Variants in PTPRF observed in about 807,000 individuals in gnomAD.
PTPRF encodes the protein protein tyrosine phosphatase receptor type F.
In PTPRF, 59 loss-of-function variants were observed where a neutral mutation model predicts 201.8. The ratio of observed to expected loss-of-function variants is 0.29; its 90% CI spans 0.24 to 0.36. The LOEUF is 0.36. PTPRF is among the 10% of genes least tolerant of loss of function. The pLI, the probability that PTPRF is intolerant of heterozygous loss-of-function variation, is 1.00. For synonymous variants in PTPRF, 1,088 were observed against 1,089.7 expected, an observed-to-expected ratio of 1.00 and a Z score of 0.03; for missense variants, 2,132 against 2,690.5, an observed-to-expected ratio of 0.79 and a Z score of 4.59.
intron 3 of PTPRF, among the ~76,000 whole-genome samples, chr1:43,549,084 C>T (rs1037158172): frequency 6.6e-6 from 1 of 152,242 alleles, no homozygotes; most frequent in Admixed American, 6.5e-5. Context: ...GCTGAAAGGG[C>T]TGTGCGGCCC....
intron 22 of PTPRF, chr1:43,612,669 C>A: frequency 9.0e-7 from 1 of 1,112,824 alleles, no homozygotes; most frequent in Non-Finnish European, 1.2e-6. Context: ...CTCGGCACCT[C>A]CACTGTGTGT....
chr1:43,598,702 C>T lies in PTPRF; in HGVS notation c.2120-18C>T. On this transcript the variant is annotated intron_variant, in intron 12 of 33. Transcript: ENST00000359947. Reference sequence around the variant, plus strand: ...TGATACCTCCAGGCCTGACTTCCTTCTCTACCTGACCCCCCAGTGCCCAGC... The same window carrying T: ...TGATACCTCCAGGCCTGACTTCCTTTTCTACCTGACCCCCCAGTGCCCAGC... 8.1e-6 allele frequency: 13 copies of T among 1,607,050 alleles called. No homozygotes were observed. The highest frequency in any genetic ancestry group is 1.1e-5 in the Non-Finnish European group (13 of 1,175,016).
At chr1:43,564,023 C>T (rs1367810755) in intron 5 of PTPRF, among the ~76,000 whole-genome samples, 3 of 152,106 alleles carry the variant, frequency 2.0e-5, no homozygotes, top group Non-Finnish European at 2.9e-5. Context: ...TGCCAACAGG[C>T]CCCAAACAGC....
intron 23 of PTPRF, among the ~76,000 whole-genome samples, chr1:43,616,724 G>A (rs967186884): frequency 3.3e-5 from 5 of 152,090 alleles, no homozygotes; most frequent in South Asian, 2.1e-4. Context: ...AAAGGACTGC[G>A]GTTGAAGGAC....
At chr1:43,621,274 C>T (rs1425324254) in intron 33 of PTPRF, 42 bp downstream of exon 33, 14 of 1,604,610 alleles carry the variant, frequency 8.7e-6, no homozygotes, top group South Asian at 5.5e-5. Flanking sequence ...TTGGCAGCAG[C>T]GCTGCTGGGA....
At chr1:43,612,662 G>C (rs192084090) in intron 22 of PTPRF, 1 of 1,042,170 alleles carries the variant, frequency 9.6e-7, no homozygotes, top group Non-Finnish European at 1.3e-6. Context: ...AAGCCCGCTC[G>C]GCACCTCCAC....
At chr1:43,609,023 G>T (rs1247159983) in intron 21 of PTPRF, among the ~76,000 whole-genome samples, 1 of 152,152 alleles carries the variant, frequency 6.6e-6, no homozygotes, top group Non-Finnish European at 1.5e-5. Flanking sequence ...TCATTTGCAT[G>T]TTTGTTCCCG....
At position 43,604,153 on chromosome 1, in the gene PTPRF, C is replaced by T. The variant is rs760959754; in HGVS notation, c.3001C>T (p.Pro1001Ser). Reference protein sequence around the residue: ...WTSKGSGPLSPSIQSRTMPVE... With the variant: ...WTSKGSGPLSSSIQSRTMPVE... ...CAGCAAAGGCTCTGGCCCACTCAGC[C>T]CCAGCATCCAGTCCCGGACCATGCC... The change falls in exon 16 of 34, where the codon CCC becomes TCC. Residue 1001 changes from proline to serine, a missense_variant. Physicochemically the swap from Pro to Ser is moderately conservative, Grantham distance 74. Around this residue, in one of 6 missense-constraint regions of PTPRF, gnomAD observed 818 missense variants for 915.3 expected, o/e 0.89. Transcript: ENST00000359947. 2 of 1,614,118 alleles carry T rather than the reference C, an allele frequency of 1.2e-6. No individual in the cohort carries two copies. The highest frequency in any genetic ancestry group is 3.3e-5 in the Admixed American group (2 of 60,032).
At position 43,588,799 on chromosome 1, in the gene PTPRF, AACCTGACATGCGTGGCAGTGGGTGC is replaced by A; in HGVS notation, c.752_776del (p.Leu251ProfsTer5). On this transcript the variant is annotated frameshift_variant, in exon 8 of 34. Coordinates refer to ENST00000359947, the MANE Select transcript of PTPRF (RefSeq NM_002840.5). LOFTEE classifies it high-confidence loss of function. The surrounding 1 kb of genome is among the most constrained non-coding windows in gnomAD (Gnocchi z 5.3). ...GGAGGTGATGCCAGGCGGCAGCGTG[AACCTGACATGCGTGGCAGTGGGTGC>A]ACCCATGCCCTACGTGAAGTGGATG... The A allele has an allele frequency of 6.2e-7, 1 of 1,614,046 alleles. No individual in the cohort carries two copies. Among genetic ancestry groups the A allele is most frequent in the Non-Finnish European group, 8.5e-7 (1 of 1,180,024 alleles).
In PTPRF at chr1:43,591,241, C is replaced by A. The variant is rs748429132; in HGVS notation, c.1219C>A (p.Arg407Ser). 2.3e-5 allele frequency: 37 copies of A among 1,594,152 alleles called. No individual in the cohort carries two copies. Among genetic ancestry groups the A allele is most frequent in the Non-Finnish European group, 3.0e-5 (35 of 1,171,788 alleles). ...GCCGCCCAGCGAGGCAGTGCGGGCA[C>A]GCACGGGAGAACAGGCGCCCTCCAG... ...RGPPSEAVRA[R>S]TGEQAPSSPP... The change falls in exon 9 of 34, where the codon CGC becomes AGC. Residue 407 changes from arginine (R) to serine (S), a missense_variant. This residue lies in a region of PTPRF where 351 missense variants were observed against 401.7 expected (regional missense o/e 0.87). Transcript: ENST00000359947.
chr1:43,563,381 G>A (rs983912616), intron 5 of PTPRF, among the ~76,000 whole-genome samples: 2 of 152,110 alleles, frequency 1.3e-5, no homozygotes, highest in East Asian at 3.9e-4. Context: ...CCAGGTGTGC[G>A]CAGGCATCCA....
intron 5 of PTPRF, among the ~76,000 whole-genome samples, chr1:43,564,178 C>A (rs1645997411): frequency 1.3e-5 from 2 of 152,168 alleles, no homozygotes; most frequent in South Asian, 2.1e-4. Context: ...GCTCCCCAGG[C>A]CCCCCTTACT....
intron 5 of PTPRF, among the ~76,000 whole-genome samples, chr1:43,564,691 C>T (rs928837732): frequency 1.3e-5 from 2 of 152,170 alleles, no homozygotes; most frequent in African/African-American, 2.4e-5. Flanking sequence ...TTAGGGGAGG[C>T]GGTCAGGCTC....
intron 1 of PTPRF, among the ~76,000 whole-genome samples, chr1:43,535,320 G>A (rs774642517): frequency 6.6e-6 from 1 of 152,060 alleles, no homozygotes; most frequent in Admixed American, 6.5e-5. Flanking sequence ...TAGGTGGAAG[G>A]GAATTTTGAG....
Position 43,605,180 on chromosome 1 carries a change from TC to T in PTPRF, c.3136-5del. 6.3e-7 allele frequency: 1 copy of T among 1,588,994 alleles called. No individual in the cohort carries two copies. Among genetic ancestry groups the T allele is most frequent in the South Asian group, 1.1e-5 (1 of 88,780 alleles). The stretch of plus-strand genomic sequence containing the variant: ...CCAAAGGCATTGATTGCCCCTCCCG[TC>T]CCCCACAGATTCTGTACAATGGGCA... On this transcript the variant is annotated splice_polypyrimidine_tract_variant and intron_variant, in intron 17 of 33. Transcript: ENST00000359947.
At chr1:43,600,879 C>G (rs1444485241) in intron 13 of PTPRF, among the ~76,000 whole-genome samples, 2 of 152,144 alleles carry the variant, frequency 1.3e-5, no homozygotes, top group African/African-American at 4.8e-5. Flanking sequence ...TCCGTCCTTC[C>G]CTTCTTTCTT....
intron 13 of PTPRF, among the ~76,000 whole-genome samples, chr1:43,600,524 G>A (rs980052736): frequency 4.0e-5 from 6 of 151,414 alleles, no homozygotes; most frequent in African/African-American, 9.8e-5. Context: ...GCCTGGTCCC[G>A]AGCGTGGCCA....
rs375934829 is a variant in PTPRF at position 43,605,222 on chromosome 1, C to T, written c.3168C>T (p.Asp1056=). The T allele has an allele frequency of 1.7e-5, 27 of 1,604,586 alleles. No individual in the cohort carries two copies. The highest frequency in any genetic ancestry group is 6.7e-5 in the East Asian group (3 of 44,636). Residue 1056 remains aspartate (D), a synonymous_variant, in exon 18 of 34, where the codon GAC becomes GAT. Coordinates refer to ENST00000359947, the MANE Select transcript of PTPRF (RefSeq NM_002840.5). ...ACAATGGGCAGAGTGTGGAGGTGGA[C>T]GGGCACTCGATGCGGAAGCTGATCG... The part of the protein sequence containing the change: ...ILYNGQSVEV[D]GHSMRKLIAD...
intron 7 of PTPRF, chr1:43,583,034 C>T (rs1648142428): frequency 1.0e-6 from 1 of 979,156 alleles, no homozygotes; most frequent in Non-Finnish European, 1.2e-6. Context: ...TTTATTCCCT[C>T]CTCATCTTCA....
Sources: gnomAD v4.1 joint callset for allele counts (sites outside exome capture counted in the v4.1 genomes callset) on GRCh38, gnomAD v4.1.1 for gene constraint, gnomAD v4.1.1 regional missense constraint, Gnocchi (gnomAD v3.1) non-coding constraint, MANE v1.5 for transcripts, NCBI Gene and HGNC (gene_info 2026-07-23, HGNC 2026-07-21) for gene names.